Variants in MTAP observed in about 807,000 individuals in gnomAD.
The protein encoded by MTAP is S-methyl-5'-thioadenosine phosphorylase.
Under a neutral mutation model 33.6 loss-of-function variants are expected in MTAP, and 33 were observed. The ratio of observed to expected loss-of-function variants is 0.98; its 90% CI spans 0.74 to 1.31. The LOEUF (loss-of-function observed/expected upper bound fraction) is 1.31. MTAP is among the 40% of genes most tolerant of loss of function. MTAP has a pLI of 0.00. For synonymous variants in MTAP, 148 were observed against 125.7 expected, an observed-to-expected ratio of 1.18 and a Z score of -1.19; for missense variants, 367 against 360.0, an observed-to-expected ratio of 1.02 and a Z score of -0.16.
intron 5 of MTAP, among the ~76,000 whole-genome samples, chr9:21,851,146 A>G (rs914881025): frequency 1.3e-5 from 2 of 152,228 alleles, no homozygotes; most frequent in African/African-American, 4.8e-5. Flanking sequence ...GCAGGACTAC[A>G]AATGACCCAG....
chr9:21,884,492 T>C (rs925175681), intron 1 of MTAP, among the ~76,000 whole-genome samples: 1 of 152,226 alleles, frequency 6.6e-6, no homozygotes, highest in Non-Finnish European at 1.5e-5. Context: ...CAATTCAAGC[T>C]ATTGTAAAAA....
chr9:21,928,378 A>G (rs1365614888), intron 1 of MTAP, among the ~76,000 whole-genome samples: 1 of 152,196 alleles, frequency 6.6e-6, no homozygotes, highest in African/African-American at 2.4e-5. Context: ...ATAATAAGTC[A>G]AATCCAAAGG....
chr9:21,841,588 G>T (rs1161262678), intron 5 of MTAP, among the ~76,000 whole-genome samples: 1 of 150,496 alleles, frequency 6.6e-6, no homozygotes, highest in African/African-American at 2.4e-5. Context: ...ACCTGAAGAT[G>T]GATCACATCG....
At chr9:21,809,932 A>C (rs1270029829) in intron 1 of MTAP, among the ~76,000 whole-genome samples, 1 of 152,210 alleles carries the variant, frequency 6.6e-6, no homozygotes, top group African/African-American at 2.4e-5. Flanking sequence ...TGGCCATTTC[A>C]GCAGGTGAAG....
At chr9:21,901,005 A>G (rs554871551) in intron 1 of MTAP, among the ~76,000 whole-genome samples, 134 of 152,280 alleles carry the variant, frequency 8.8e-4, no homozygotes, top group Non-Finnish European at 1.6e-3. Context: ...AACTGATGCC[A>G]AGGCCCACCT....
At chr9:21,920,279 A>C (rs943278125) in intron 1 of MTAP, among the ~76,000 whole-genome samples, 1 of 152,180 alleles carries the variant, frequency 6.6e-6, no homozygotes, top group Non-Finnish European at 1.5e-5. Flanking sequence ...GAGAGTATAA[A>C]TAAACAGTGC....
At chr9:21,850,951 T>C (rs1232184846) in intron 5 of MTAP, among the ~76,000 whole-genome samples, 1 of 152,172 alleles carries the variant, frequency 6.6e-6, no homozygotes, top group African/African-American at 2.4e-5. Context: ...GTCAACAGGC[T>C]AAGAAGGGAG....
intron 1 of MTAP, among the ~76,000 whole-genome samples, chr9:21,886,121 CT>C (rs201926662): frequency 0.11 from 15,994 of 141,540 alleles, 986 homozygotes; most frequent in East Asian, 0.23. Flanking sequence ...AGGCCAACAT[CT>C]TTTTTTTTTT....
intron 1 of MTAP, among the ~76,000 whole-genome samples, chr9:21,879,448 A>G (rs964928163): frequency 6.6e-6 from 1 of 152,058 alleles, no homozygotes; most frequent in African/African-American, 2.4e-5. Context: ...GGGTGTCATT[A>G]CATGTGAGAT....
At chr9:21,897,517 A>G (rs1818316286) in intron 1 of MTAP, among the ~76,000 whole-genome samples, 1 of 152,232 alleles carries the variant, frequency 6.6e-6, no homozygotes, top group African/African-American at 2.4e-5. Flanking sequence ...TAAGCTGATA[A>G]GTAACTTCAG....
At chr9:21,802,848 G>C (rs567043954) in intron 1 of MTAP, 67 bp downstream of exon 1, 1 of 1,596,230 alleles carries the variant, frequency 6.3e-7, no homozygotes. Context: ...CGCGCCGGGG[G>C]ACCGCGCCTC....
chr9:21,920,462 C>T (rs966758216), intron 1 of MTAP, among the ~76,000 whole-genome samples: 9 of 152,084 alleles, frequency 5.9e-5, no homozygotes, highest in Non-Finnish European at 8.8e-5. Context: ...TTTTATGTGA[C>T]CTGAAACTTA....
intron 5 of MTAP, among the ~76,000 whole-genome samples, chr9:21,854,415 A>G (rs901182662): frequency 2.0e-5 from 3 of 152,204 alleles, no homozygotes; most frequent in East Asian, 3.9e-4. Flanking sequence ...CTACATGCAA[A>G]GGGCTGGGGA....
intron 4 of MTAP, among the ~76,000 whole-genome samples, chr9:21,819,328 C>G (rs780783925): frequency 2.6e-5 from 4 of 152,042 alleles, no homozygotes; most frequent in Non-Finnish European, 5.9e-5. Flanking sequence ...GTGTGATGTT[C>G]CCCTTCCTAT....
intron 1 of MTAP, among the ~76,000 whole-genome samples, chr9:21,887,523 T>C (rs1818131889): frequency 1.3e-5 from 2 of 152,214 alleles, no homozygotes; most frequent in Non-Finnish European, 2.9e-5. Context: ...GTTGGACATT[T>C]GGGTTGGTTC....
chr9:21,921,969 A>T (rs890568940), intron 1 of MTAP, among the ~76,000 whole-genome samples: 1 of 152,168 alleles, frequency 6.6e-6, no homozygotes, highest in Non-Finnish European at 1.5e-5. Flanking sequence ...GGCAACCATT[A>T]GGTGATGGTC....
chr9:21,811,773 A>C (rs1454102546), intron 1 of MTAP: 4 of 528,858 alleles, frequency 7.6e-6, no homozygotes, highest in Non-Finnish European at 1.5e-5. Flanking sequence ...CAGTACAGGA[A>C]AGCTTTGCAC....
chr9:21,903,320 T>G (rs1283617373), intron 1 of MTAP, among the ~76,000 whole-genome samples: 1 of 152,220 alleles, frequency 6.6e-6, no homozygotes, highest in African/African-American at 2.4e-5. Flanking sequence ...CAAAAGATTT[T>G]TTTTTAAAAA....
At chr9:21,835,659 G>T (rs557990194) in intron 4 of MTAP, among the ~76,000 whole-genome samples, 1 of 152,074 alleles carries the variant, frequency 6.6e-6, no homozygotes, top group African/African-American at 2.4e-5. Flanking sequence ...TCAGAAGGAG[G>T]ACTGGTGCTA....
Sources: allele counts gnomAD v4.1 joint callset (sites outside exome capture counted in the v4.1 genomes callset), GRCh38; gene constraint gnomAD v4.1.1; transcripts MANE v1.5; gene names NCBI Gene and HGNC (gene_info 2026-07-23, HGNC 2026-07-21).